Variants in MAGI1 observed in about 807,000 individuals in gnomAD.
MAGI1 encodes the protein membrane associated guanylate kinase, WW and PDZ domain containing 1, also known as membrane-associated guanylate kinase, WW and PDZ domain-containing protein 1.
A neutral mutation model predicts 139.9 loss-of-function variants in MAGI1; 58 were observed. The ratio of observed to expected loss-of-function variants is 0.41; its 90% CI spans 0.34 to 0.52. The LOEUF is 0.52. Ranked by LOEUF, MAGI1 falls within the 20% of genes least tolerant of loss-of-function variation. MAGI1 has a pLI of 0.12. For missense variants in MAGI1, 1,874 were observed against 1,901.6 expected (o/e 0.99, Z 0.27); for synonymous variants, 812 against 737.9 (o/e 1.10, Z -1.63).
At chr3:66,007,891 ATTTTTTTT>A (rs35578902) in intron 1 of MAGI1, among the ~76,000 whole-genome samples, 1 of 122,502 alleles carries the variant, frequency 8.2e-6, no homozygotes, top group African/African-American at 3.3e-5. Context: ...GGCTCCATAG[ATTTTTTTT>A]TTTTTTTTTT....
intron 9 of MAGI1, among the ~76,000 whole-genome samples, chr3:65,437,625 G>C: frequency 6.6e-6 from 1 of 152,090 alleles, no homozygotes; most frequent in East Asian, 1.9e-4. Context: ...TCTTAGGTAG[G>C]GAGGAAGATG....
chr3:65,518,207 C>T (rs892078623), intron 2 of MAGI1, among the ~76,000 whole-genome samples: 1 of 152,122 alleles, frequency 6.6e-6, no homozygotes, highest in Admixed American at 6.5e-5. Flanking sequence ...GCTTCTCTGA[C>T]CCTAACTAAA....
chr3:65,375,708 AAG>A (rs3836224), intron 18 of MAGI1, 35 bp downstream of exon 18: 30,872 of 1,193,834 alleles, frequency 0.026, no homozygotes, highest in South Asian at 0.03. Context: ...GAGAGAGAAA[AAG>A]AGAGAGAGAG....
chr3:65,893,715 T>G (rs2060857549), intron 1 of MAGI1: 1 of 152,214 alleles, frequency 6.6e-6, no homozygotes, highest in Non-Finnish European at 1.5e-5. Flanking sequence ...TACAATTATC[T>G]ACTGCTGCGT....
chr3:65,736,353 G>T (rs1032927944), intron 1 of MAGI1, among the ~76,000 whole-genome samples: 1 of 152,090 alleles, frequency 6.6e-6, no homozygotes, highest in African/African-American at 2.4e-5. Flanking sequence ...ATTAGTCAGG[G>T]CTCTCCAGAG....
chr3:66,038,130 T>A lies in MAGI1; in HGVS notation c.179A>T (p.Glu60Val), dbSNP rs775737376. 6.2e-7 allele frequency: 1 copy of A among 1,612,042 alleles called. No individual in the cohort carries two copies. Among genetic ancestry groups the A allele is most frequent in the Non-Finnish European group, 8.5e-7 (1 of 1,179,486 alleles). Residue 60 changes from glutamate to valine, a missense_variant, in exon 1 of 23, where the codon GAG becomes GTG. By Grantham distance (121) the Glu-to-Val change is moderately radical (BLOSUM62 -2). Around this residue, in one of 5 missense-constraint regions of MAGI1, gnomAD observed 648 missense variants for 598.1 expected, o/e 1.08. Transcript: ENST00000402939. ...CTCCCCTTCGCCCAGCCTCGGGCCCTCGCCGCCGCCGGGAAGCCCCGCTGC... is the reference window on the plus strand; with the variant it reads ...CTCCCCTTCGCCCAGCCTCGGGCCCACGCCGCCGCCGGGAAGCCCCGCTGC... ...VEAAGLPGGG[E>V]GPRLGEGELL... is the part of the protein sequence containing the mutation.
intron 16 of MAGI1, chr3:65,380,865 C>T (rs1171517442): frequency 6.6e-6 from 1 of 152,144 alleles, no homozygotes; most frequent in Non-Finnish European, 1.5e-5. Flanking sequence ...GTCACAAACA[C>T]ACTGGAATTT....
intron 1 of MAGI1, among the ~76,000 whole-genome samples, chr3:65,781,195 C>CA (rs11375080): frequency 0.12 from 16,899 of 140,884 alleles, 1,463 homozygotes; most frequent in African/African-American, 0.26. Context: ...GATTCTGTCT[C>CA]AAAAAAAAAA....
At chr3:65,930,231 A>G (rs937079378) in intron 1 of MAGI1, among the ~76,000 whole-genome samples, 5 of 147,992 alleles carry the variant, frequency 3.4e-5, no homozygotes, top group Non-Finnish European at 7.5e-5. Context: ...CAGGAGAATG[A>G]CGTGAACCCG....
intron 2 of MAGI1, among the ~76,000 whole-genome samples, chr3:65,607,553 GA>G (rs529978423): frequency 1.5e-4 from 22 of 151,614 alleles, no homozygotes; most frequent in Non-Finnish European, 1.5e-4. Flanking sequence ...CTTTGCAAAT[GA>G]AAAAAAACTG....
At chr3:65,417,206 T>C (rs1345721449) in intron 12 of MAGI1, among the ~76,000 whole-genome samples, 1 of 152,078 alleles carries the variant, frequency 6.6e-6, no homozygotes. Flanking sequence ...TCAGGAAGAA[T>C]AGCTAATGAA....
In MAGI1 at chr3:65,622,231, TTCC is replaced by T. The variant is rs1413258875; in HGVS notation, c.314-146_314-144del. The T allele has an allele frequency of 1.0e-5, 7 of 688,352 alleles. No individual in the cohort carries two copies. The Admixed American group carries it at 1.1e-4, about 11-fold the overall frequency. The allele number at this position is 688,352 out of a possible 1,614,324, so 42.6% of individuals were successfully genotyped here. On this transcript the variant is annotated intron_variant, in intron 1 of 22. Coordinates refer to ENST00000402939, the MANE Select transcript of MAGI1 (RefSeq NM_001033057.2). The stretch of plus-strand genomic sequence containing the variant: ...TCATTAGGAGGATGTACTTTAGGTT[TTCC>T]TCTGCAGGGGTAAAGTCAAGCCAGA...
chr3:65,762,454 C>CG (rs1429860232), intron 1 of MAGI1, among the ~76,000 whole-genome samples: 1 of 150,060 alleles, frequency 6.7e-6, no homozygotes, highest in Non-Finnish European at 1.5e-5. Flanking sequence ...AATGGGAAGG[C>CG]GGAAAAAAAA....
At chr3:65,562,730 G>A (rs2080419214) in intron 2 of MAGI1, among the ~76,000 whole-genome samples, 1 of 152,170 alleles carries the variant, frequency 6.6e-6, no homozygotes, top group Admixed American at 6.5e-5. Context: ...GAACTTGTGG[G>A]ACATCTCATA....
intron 18 of MAGI1, among the ~76,000 whole-genome samples, chr3:65,375,167 G>A (rs1380416752): frequency 6.6e-6 from 1 of 151,698 alleles, no homozygotes; most frequent in Non-Finnish European, 1.5e-5. Flanking sequence ...GTTGAGGAAA[G>A]GGTGAAGATT....
intron 1 of MAGI1, among the ~76,000 whole-genome samples, chr3:65,948,647 G>C (rs2063654062): frequency 6.6e-6 from 1 of 152,130 alleles, no homozygotes; most frequent in Non-Finnish European, 1.5e-5. Context: ...CTTTAAAAGA[G>C]AAGGACACAA....
chr3:65,757,889 T>C (rs7627466), intron 1 of MAGI1, among the ~76,000 whole-genome samples: 5 of 151,052 alleles, frequency 3.3e-5, no homozygotes, highest in African/African-American at 1.2e-4. Context: ...TTTAACTAAA[T>C]GTATCACCCA....
intron 1 of MAGI1, among the ~76,000 whole-genome samples, chr3:65,993,639 T>C (rs891374890): frequency 2.0e-5 from 3 of 152,204 alleles, no homozygotes; most frequent in Admixed American, 2.0e-4. Context: ...GAATGAAACT[T>C]GATCACAAGC....
At chr3:65,816,216 T>C (rs1191115181) in intron 1 of MAGI1, among the ~76,000 whole-genome samples, 1 of 152,076 alleles carries the variant, frequency 6.6e-6, no homozygotes, top group Admixed American at 6.5e-5. Flanking sequence ...GGAGTAGAAC[T>C]TAAACGTTCA....
Sources: allele counts gnomAD v4.1 joint callset (sites outside exome capture counted in the v4.1 genomes callset), GRCh38; gene constraint gnomAD v4.1.1; regional missense constraint gnomAD v4.1.1; transcripts MANE v1.5; gene names NCBI Gene and HGNC (gene_info 2026-07-23, HGNC 2026-07-21).